Variants in PCDHA8 observed in about 807,000 individuals in gnomAD.
The protein encoded by PCDHA8 is protocadherin alpha-8.
PCDHA8 carries 53 observed loss-of-function variants against 61.8 expected under a neutral mutation model. The ratio of observed to expected loss-of-function variants is 0.86; its 90% CI spans 0.69 to 1.08. PCDHA8 has a LOEUF of 1.08. Among genes scored for constraint, PCDHA8 ranks in the 50% least tolerant of loss-of-function variants. The pLI is 0.00. For synonymous variants in PCDHA8, 618 were observed against 556.6 expected, an observed-to-expected ratio of 1.11 and a Z score of -1.55; for missense variants, 1,293 against 1,245.0, an observed-to-expected ratio of 1.04 and a Z score of -0.58.
In PCDHA8 at chr5:140,986,391, G is replaced by A. The variant is rs144915625; in HGVS notation, c.2542+3828G>A. Among the ~76,000 whole-genome samples, 1,153 of 152,256 alleles carry A rather than the reference G, an allele frequency of 7.6e-3. 6 individuals are homozygous for A. Among genetic ancestry groups the A allele is most frequent in the Middle Eastern group, 0.014 (4 of 294 alleles). ...GTTTTGGGGGGAGGGACATTAAAGG[G>A]CCAGTCGCTCATGTTACAGCTCTTT... On this transcript the variant is annotated intron_variant, in intron 3 of 3. Transcript: ENST00000531613.
In PCDHA8 at chr5:140,919,966, A is replaced by G. The variant is rs1472155046; in HGVS notation, c.2395-58983A>G. Among the ~76,000 whole-genome samples, 3 of 139,590 alleles carry G rather than the reference A, an allele frequency of 2.1e-5. No homozygotes were observed. The East Asian group carries it at 7.1e-4, about 33-fold the overall frequency. The allele number at this position is 139,590 out of a possible 152,430, so 91.6% of individuals were successfully genotyped here. On this transcript the variant is annotated intron_variant, in intron 1 of 3. Transcript: ENST00000531613. ...GTGAAAAGTTTGTTTTGTTTTTTAA[A>G]TAAGAGATAGAAGATGGAAAACAGA...
chr5:140,897,309 A>G (rs1165791921), intron 1 of PCDHA8, among the ~76,000 whole-genome samples: 3 of 148,098 alleles, frequency 2.0e-5, no homozygotes, highest in Non-Finnish European at 3.0e-5. Flanking sequence ...CATTAGGTAT[A>G]TCTCCTAAAG....
At chr5:140,973,007 G>T (rs2096567856) in intron 1 of PCDHA8, among the ~76,000 whole-genome samples, 1 of 152,160 alleles carries the variant, frequency 6.6e-6, no homozygotes, top group Non-Finnish European at 1.5e-5. Context: ...TGTGGTCGTG[G>T]TGTTGTGATT....
chr5:140,967,228 G>A (rs1316363900), intron 1 of PCDHA8: 3 of 1,613,652 alleles, frequency 1.9e-6, no homozygotes, highest in Non-Finnish European at 2.5e-6. Flanking sequence ...CCAACTACCA[G>A]CTTCAGGTAA....
intron 1 of PCDHA8, chr5:140,870,708 C>A (rs781841032): frequency 1.9e-6 from 3 of 1,613,016 alleles, no homozygotes; most frequent in East Asian, 4.5e-5. Context: ...TCCAGGTGAG[C>A]GCGCGCGATG....
intron 1 of PCDHA8, chr5:140,875,787 C>A (rs2055811364): frequency 6.2e-7 from 1 of 1,614,082 alleles, no homozygotes; most frequent in Non-Finnish European, 8.5e-7. Context: ...GCAGTATCCA[C>A]CTGGAGGTGA....
At chr5:140,926,664 C>T (rs2083450429) in intron 1 of PCDHA8, 1 of 546,968 alleles carries the variant, frequency 1.8e-6, no homozygotes, top group East Asian at 3.5e-5. Context: ...CTTTCCCAGA[C>T]GGCTGCCCAG....
At chr5:140,910,037 C>G (rs1290917830) in intron 1 of PCDHA8, among the ~76,000 whole-genome samples, 1 of 152,198 alleles carries the variant, frequency 6.6e-6, no homozygotes, top group Non-Finnish European at 1.5e-5. Context: ...ATAAATCCCA[C>G]TTGGTCATAA....
chr5:140,919,357 G>C (rs1158844072), intron 1 of PCDHA8, among the ~76,000 whole-genome samples: 3 of 152,148 alleles, frequency 2.0e-5, no homozygotes, highest in Non-Finnish European at 4.4e-5. Flanking sequence ...GAATCTAAAA[G>C]TGTCTCCTGC....
chr5:140,858,198 C>G, intron 1 of PCDHA8: 1 of 1,597,410 alleles, frequency 6.3e-7, no homozygotes, highest in Admixed American at 1.7e-5. Flanking sequence ...CTGCTGTACA[C>G]TGCACTGAGG....
In PCDHA8 at chr5:140,972,316, G is replaced by GT. The variant is rs112435719; in HGVS notation, c.2395-6621dup. On this transcript the variant is annotated intron_variant, in intron 1 of 3. Coordinates refer to ENST00000531613, the MANE Select transcript of PCDHA8 (RefSeq NM_018911.3). ...CACCGTGTCTGACTAGTTTTTAGGT[G>GT]TTTTTTTTTTTTGGAAGAGATGGGG... 6.7e-3 allele frequency among the ~76,000 whole-genome samples: 929 copies of GT among 139,652 alleles called. 6 individuals carry two copies. The highest frequency in any genetic ancestry group is 0.017 in the African/African-American group (645 of 38,294). The allele number at this position is 139,652 out of a possible 152,430, so 91.6% of individuals were successfully genotyped here.
chr5:140,967,218 C>T, intron 1 of PCDHA8: 3 of 1,613,744 alleles, frequency 1.9e-6, no homozygotes, highest in South Asian at 1.1e-5. Flanking sequence ...TTCCCGCGGC[C>T]CAACTACCAG....
chr5:140,857,428 G>T (rs782142394), intron 1 of PCDHA8: 3 of 1,598,342 alleles, frequency 1.9e-6, no homozygotes, highest in Non-Finnish European at 2.6e-6. Context: ...CCGAGTACAC[G>T]GTGTTCGTGA....
Position 140,841,467 on chromosome 5 carries a change from C to A in PCDHA8, c.146C>A (p.Ala49Glu). The change falls in exon 1 of 4, where the codon GCG (alanine) becomes GAG (glutamate). Residue 49 changes from alanine to glutamate, a missense_variant. Ala to Glu is a moderately radical substitution (Grantham distance 107). Transcript: ENST00000531613. The part of the protein sequence containing the change: ...AKHGTFVGRI[A>E]QDLGLELAEL... ...CACGGCACCTTCGTGGGCCGGATCGCGCAGGACCTGGGGCTGGAGCTGGCG... is the reference window on the plus strand; with the variant it reads ...CACGGCACCTTCGTGGGCCGGATCGAGCAGGACCTGGGGCTGGAGCTGGCG... 6.2e-7 allele frequency: 1 copy of A among 1,612,946 alleles called. No homozygotes were observed. The highest frequency in any genetic ancestry group is 8.5e-7 in the Non-Finnish European group (1 of 1,179,866).
chr5:140,953,871 A>G (rs2094944952), intron 1 of PCDHA8, among the ~76,000 whole-genome samples: 1 of 152,146 alleles, frequency 6.6e-6, no homozygotes, highest in African/African-American at 2.4e-5. Context: ...TTTGCTGCAC[A>G]GATCAACCCA....
chr5:140,876,841 CA>C, intron 1 of PCDHA8: 1 of 1,614,130 alleles, frequency 6.2e-7, no homozygotes, highest in South Asian at 1.1e-5. Flanking sequence ...TGCGTTCGCG[CA>C]GCCCGAGTAC....
intron 1 of PCDHA8, among the ~76,000 whole-genome samples, chr5:140,973,759 C>G (rs1050304490): frequency 2.0e-5 from 3 of 152,250 alleles, no homozygotes; most frequent in Non-Finnish European, 4.4e-5. Flanking sequence ...TGCAGGGACA[C>G]AGCCTGGCAT....
chr5:140,924,597 G>A lies in PCDHA8; in HGVS notation c.2395-54352G>A, dbSNP rs1278228526. ...ATGTTTTCAAATATTATAGAAATATGCAGGCTGATGCCAGGTGCGGTGGCA... is the reference window on the plus strand; with the variant it reads ...ATGTTTTCAAATATTATAGAAATATACAGGCTGATGCCAGGTGCGGTGGCA... On this transcript the variant is annotated intron_variant, in intron 1 of 3. Coordinates refer to ENST00000531613, the MANE Select transcript of PCDHA8 (RefSeq NM_018911.3). Among the ~76,000 whole-genome samples the A allele has an allele frequency of 2.6e-5, 4 of 152,078 alleles. No homozygotes were observed. The East Asian group carries it at 7.7e-4, about 29-fold the overall frequency.
chr5:140,856,356 T>A lies in PCDHA8; in HGVS notation c.2394+12641T>A, dbSNP rs782497272. ...TGCGGGCGGAGCGTGGAGTGCAGCA[T>A]CCACCTGGAGGTGATCGTGGACAGG... On this transcript the variant is annotated intron_variant, in intron 1 of 3. Coordinates refer to ENST00000531613, the MANE Select transcript of PCDHA8 (RefSeq NM_018911.3). 3 of 1,598,530 alleles carry A rather than the reference T, an allele frequency of 1.9e-6. 1 individual carries two copies. Among genetic ancestry groups the A allele is most frequent in the South Asian group, 2.2e-5 (2 of 90,522 alleles).
Sources: gnomAD v4.1 joint callset for allele counts (sites outside exome capture counted in the v4.1 genomes callset) on GRCh38, gnomAD v4.1.1 for gene constraint, MANE v1.5 for transcripts, NCBI Gene and HGNC (gene_info 2026-07-23, HGNC 2026-07-21) for gene names.